The following FAM153A variants were observed in gnomAD, a reference collection of about 807,000 sequenced individuals.
FAM153A encodes the protein protein FAM153A.
In FAM153A, 12 loss-of-function variants were observed where a neutral mutation model predicts 48.1. That is an observed-to-expected ratio of 0.25 (90% confidence interval 0.16 to 0.40). The LOEUF (loss-of-function observed/expected upper bound fraction) is 0.40, where lower values mean the gene tolerates loss of function less well. FAM153A is among the 10% of genes least tolerant of loss of function. The pLI, the probability that FAM153A is intolerant of heterozygous loss-of-function variation, is 1.00. For synonymous variants in FAM153A, 36 were observed against 118.2 expected, an observed-to-expected ratio of 0.30 and a Z score of 4.51; for missense variants, 111 against 345.8, an observed-to-expected ratio of 0.32 and a Z score of 5.38.
At chr5:177,759,823 G>A (rs1039162060) in intron 1 of FAM153A, among the ~76,000 whole-genome samples, 5 of 151,390 alleles carry the variant, frequency 3.3e-5, no homozygotes, top group African/African-American at 9.8e-5. Flanking sequence ...GTGGGGGGGA[G>A]GGATAGCATT....
intron 13 of FAM153A, 67 bp downstream of exon 15, chr5:177,734,796 T>C: frequency 6.2e-7 from 1 of 1,609,666 alleles, no homozygotes; most frequent in Non-Finnish European, 8.5e-7. Flanking sequence ...CATATCTTAA[T>C]TTAATCCAAA....
At chr5:177,702,367 T>G in the FAM153A span, among the ~76,000 whole-genome samples, 3 of 151,864 alleles carry the variant, frequency 2.0e-5, no homozygotes, top group Non-Finnish European at 2.9e-5. Flanking sequence ...GTGACCCAGT[T>G]GCTTCTAACA....
At chr5:177,724,516 C>T (rs543486143) in intron 19 of FAM153A, among the ~76,000 whole-genome samples, 154 bp from the exon 22 acceptor site, 157 of 138,302 alleles carry the variant, frequency 1.1e-3, no homozygotes, top group East Asian at 2.1e-3. Flanking sequence ...CAGCCCCCTC[C>T]CCTGGACCCT....
At chr5:177,754,405 TG>T (rs1471386804), upstream of FAM153A, among the ~76,000 whole-genome samples, 2 of 151,708 alleles carry the variant, frequency 1.3e-5, no homozygotes, top group African/African-American at 2.4e-5. Flanking sequence ...ACTCCACCTC[TG>T]GGGGCAGGGC....
chr5:177,716,791 T>C (rs1026793460), intron 24 of FAM153A, among the ~76,000 whole-genome samples: 1 of 151,908 alleles, frequency 6.6e-6, no homozygotes, highest in African/African-American at 2.4e-5. Flanking sequence ...AGAGGACTAA[T>C]AGATGATCTC....
chr5:177,759,886 T>C lies in FAM153A; in HGVS notation c.-56-11187A>G, dbSNP rs565419789. The stretch of plus-strand genomic sequence containing the variant: ...AGTTAATGGGTGCAGCACACCAACA[T>C]GGCACATGTATACATATGTAACAAA... On this transcript the variant is annotated intron_variant, in intron 1 of 8. Coordinates refer to the FAM153A transcript ENST00000393518. Among the ~76,000 whole-genome samples the C allele has an allele frequency of 2.3e-4, 35 of 151,778 alleles. 2 individuals carry two copies. The highest frequency in any genetic ancestry group is 7.8e-4 in the African/African-American group (32 of 41,158).
chr5:177,711,215 TGAAAA>T (rs1045019289), exon 27 of FAM153A: 4 of 151,842 alleles, frequency 2.6e-5, no homozygotes, highest in Non-Finnish European at 4.4e-5. Flanking sequence ...GTACTGGAAT[TGAAAA>T]GAAGACATTG....
chr5:177,768,821 T>C (rs1164717088), intron 1 of FAM153A, among the ~76,000 whole-genome samples: 1 of 111,950 alleles, frequency 8.9e-6, no homozygotes, highest in African/African-American at 3.6e-5. Context: ...CACGGTCTCC[T>C]CCTGTACCCT....
downstream of FAM153A, among the ~76,000 whole-genome samples, chr5:177,709,630 G>T (rs1165798638): frequency 6.8e-6 from 1 of 147,256 alleles, no homozygotes; most frequent in East Asian, 2.0e-4. Flanking sequence ...CAAAGTGCTG[G>T]GATTACAGGC....
chr5:177,737,709 G>A (rs1387573516), intron 10 of FAM153A, among the ~76,000 whole-genome samples: 1 of 151,470 alleles, frequency 6.6e-6, no homozygotes, highest in African/African-American at 2.4e-5. Context: ...TAGGAGAGAT[G>A]GGTTTTCTCC....
At chr5:177,719,205 A>G (rs1582202415), downstream of FAM153A, among the ~76,000 whole-genome samples, 1 of 151,400 alleles carries the variant, frequency 6.6e-6, no homozygotes, top group East Asian at 1.9e-4. Flanking sequence ...TTGACATGAG[A>G]AAACTGTTAT....
At chr5:177,745,795 T>C (rs1394892630) in intron 4 of FAM153A, among the ~76,000 whole-genome samples, 206 of 151,750 alleles carry the variant, frequency 1.4e-3, no homozygotes, top group African/African-American at 4.7e-3. Context: ...ATTGTCTGCT[T>C]TTGAACAGGA....
At chr5:177,716,963 T>TTG (rs1561866290) in intron 24 of FAM153A, among the ~76,000 whole-genome samples, 1 of 56,354 alleles carries the variant, frequency 1.8e-5, no homozygotes, top group Non-Finnish European at 3.6e-5. Flanking sequence ...CATTCCCGCT[T>TTG]AGTGTGTGTG....
At chr5:177,700,161 A>G in the FAM153A span, among the ~76,000 whole-genome samples, 1 of 151,952 alleles carries the variant, frequency 6.6e-6, no homozygotes, top group Non-Finnish European at 1.5e-5. Context: ...AAATAAAAAC[A>G]ATGAATAAAC....
chr5:177,731,096 A>T (rs1336980145), intron 16 of FAM153A, among the ~76,000 whole-genome samples: 1 of 43,938 alleles, frequency 2.3e-5, no homozygotes, highest in African/African-American at 1.0e-4. Context: ...AGAGTACTGG[A>T]CTCCCAGTTT....
chr5:177,766,016 C>T (rs1426265667), intron 1 of FAM153A, among the ~76,000 whole-genome samples: 1 of 107,944 alleles, frequency 9.3e-6, no homozygotes, highest in Non-Finnish European at 2.1e-5. Flanking sequence ...ACTCAGGAGG[C>T]TGAGGCAGGA....
intron 1 of FAM153A, among the ~76,000 whole-genome samples, chr5:177,771,190 A>C (rs1347453051): frequency 1.0e-5 from 1 of 97,496 alleles, no homozygotes; most frequent in African/African-American, 4.0e-5. Flanking sequence ...ATCTTATTTC[A>C]TAACTCTAAA....
intron 1 of FAM153A, among the ~76,000 whole-genome samples, chr5:177,759,452 C>A (rs191635156): frequency 1.1e-4 from 17 of 151,866 alleles, no homozygotes; most frequent in African/African-American, 3.9e-4. Flanking sequence ...TCGACCCAGC[C>A]ATCCTATTAC....
intron 1 of FAM153A, among the ~76,000 whole-genome samples, chr5:177,758,675 A>G (rs1488260277): frequency 2.0e-5 from 3 of 150,802 alleles, no homozygotes; most frequent in Non-Finnish European, 3.0e-5. Context: ...AATGCCACAT[A>G]TCTACAACTA....
Sources: gnomAD v4.1 joint callset for allele counts (sites outside exome capture counted in the v4.1 genomes callset) on GRCh38, gnomAD v4.1.1 for gene constraint, MANE v1.5 for transcripts, NCBI Gene and HGNC (gene_info 2026-07-23, HGNC 2026-07-21) for gene names.